Variants in OPN5 observed in about 807,000 individuals in gnomAD.
The protein encoded by OPN5 is opsin-5.
OPN5 carries 18 observed loss-of-function variants against 41.7 expected under a neutral mutation model. The ratio of observed to expected loss-of-function variants is 0.43; its 90% CI spans 0.30 to 0.64. The LOEUF (loss-of-function observed/expected upper bound fraction) is 0.64. OPN5 is among the 30% of genes least tolerant of loss of function. OPN5 has a pLI of 0.13. For missense variants in OPN5, 318 were observed against 434.5 expected (o/e 0.73, Z 2.38); for synonymous variants, 178 against 164.3 (o/e 1.08, Z -0.64).
intron 6 of OPN5, among the ~76,000 whole-genome samples, chr6:47,815,038 G>A (rs1399976220): frequency 6.6e-6 from 1 of 152,058 alleles, no homozygotes; most frequent in African/African-American, 2.4e-5. Context: ...AAATAAATGA[G>A]TAAATAAGTT....
intron 5 of OPN5, among the ~76,000 whole-genome samples, chr6:47,810,298 T>C (rs1220723736): frequency 6.6e-6 from 1 of 152,130 alleles, no homozygotes; most frequent in Non-Finnish European, 1.5e-5. Context: ...TGAAGAGATA[T>C]TGAGTCGTAG....
chr6:47,796,272 T>G (rs970176122), intron 4 of OPN5, among the ~76,000 whole-genome samples: 1 of 152,204 alleles, frequency 6.6e-6, no homozygotes, highest in Non-Finnish European at 1.5e-5. Context: ...TCTGTCTTAT[T>G]GGGTTACGGT....
At chr6:47,810,743 T>C (rs1192217306) in intron 5 of OPN5, among the ~76,000 whole-genome samples, 2 of 152,176 alleles carry the variant, frequency 1.3e-5, no homozygotes, top group African/African-American at 4.8e-5. Context: ...TTGGTAGAAG[T>C]TGGTGAACCA....
chr6:47,795,660 A>C (rs1773533281), intron 4 of OPN5, 97 bp downstream of exon 4: 2 of 801,500 alleles, frequency 2.5e-6, no homozygotes, highest in Non-Finnish European at 4.1e-6. Context: ...AGAACTTAGA[A>C]TCTCTATTCT....
At chr6:47,816,709 A>G (rs957788677) in intron 6 of OPN5, among the ~76,000 whole-genome samples, 2 of 152,082 alleles carry the variant, frequency 1.3e-5, no homozygotes, top group African/African-American at 4.8e-5. Flanking sequence ...CTGTGAAGGC[A>G]AATTACTTGA....
intron 6 of OPN5, among the ~76,000 whole-genome samples, chr6:47,816,217 T>C (rs999036727): frequency 2.0e-5 from 3 of 152,146 alleles, no homozygotes; most frequent in Non-Finnish European, 4.4e-5. Flanking sequence ...GGAGGATGTG[T>C]TTTTAGTTCC....
exon 5 of OPN5, chr6:47,808,344 G>A (rs774718838): frequency 6.2e-7 from 1 of 1,614,028 alleles, no homozygotes; most frequent in Non-Finnish European, 8.5e-7. Flanking sequence ...TTTGCCTGTT[G>A]CCAAACTGGT....
chr6:47,811,915 G>C (rs920693543), intron 6 of OPN5, 184 bp downstream of exon 6: 3 of 430,912 alleles, frequency 7.0e-6, no homozygotes, highest in African/African-American at 6.0e-5. Context: ...TAGATTACAG[G>C]ATACTAATTT....
chr6:47,795,619 G>T, intron 4 of OPN5, 56 bp downstream of exon 4: 1 of 1,240,958 alleles, frequency 8.1e-7, no homozygotes, highest in Non-Finnish European at 1.2e-6. Context: ...ACTTCATAGG[G>T]TACAAAGGAT....
In OPN5 at chr6:47,811,741, T is replaced by G. The variant is rs2113993761; in HGVS notation, c.1056+10T>G. The G allele has an allele frequency of 6.3e-7, 1 of 1,590,634 alleles. No individual in the cohort carries two copies. The highest frequency in any genetic ancestry group is 2.2e-5 in the East Asian group (1 of 44,716). ...GGAAATTCATGAAGAGGTATGAAGA[T>G]GGATACAGCATCACTATGGACACTC... On this transcript the variant is annotated intron_variant, in intron 6 of 6. Coordinates refer to ENST00000371211, the Ensembl canonical transcript of OPN5.
chr6:47,789,336 T>C lies in OPN5; in HGVS notation c.251-2466T>C, dbSNP rs185187757. On this transcript the variant is annotated intron_variant, in intron 2 of 6. Coordinates refer to ENST00000371211, the Ensembl canonical transcript of OPN5. ...TTCCATCTACCTGCTTTCTCTGCTT[T>C]ATTTTCCTTCATTGTACTAATCACT... 1.3e-3 allele frequency among the ~76,000 whole-genome samples: 193 copies of C among 152,312 alleles called. 1 individual carries two copies. Among genetic ancestry groups the C allele is most frequent in the Admixed American group, 3.1e-3 (47 of 15,296 alleles).
At chr6:47,812,273 C>G (rs182009513) in intron 6 of OPN5, among the ~76,000 whole-genome samples, 1 of 152,238 alleles carries the variant, frequency 6.6e-6, no homozygotes, top group Non-Finnish European at 1.5e-5. Flanking sequence ...TGCCTTAAAT[C>G]ACTCAATGGA....
intron 6 of OPN5, 82 bp downstream of exon 6, chr6:47,811,813 C>A (rs1353051962): frequency 2.5e-5 from 22 of 870,108 alleles, no homozygotes; most frequent in Non-Finnish European, 2.8e-5. Flanking sequence ...TTGATTGTGG[C>A]CACACTTTTG....
chr6:47,802,166 C>T (rs1374351563), intron 4 of OPN5, among the ~76,000 whole-genome samples: 1 of 152,182 alleles, frequency 6.6e-6, no homozygotes, highest in East Asian at 1.9e-4. Flanking sequence ...CAGCTATGGA[C>T]TTGGGCACCA....
At position 47,786,804 on chromosome 6, in the gene OPN5, C is replaced by T. The variant is rs143587191; in HGVS notation, c.250+170C>T. On this transcript the variant is annotated intron_variant, in intron 2 of 6. Transcript: ENST00000371211. ...TGTGGTAAGTCAATGGGGTGCTGTC[C>T]GGCTGACAAGATTATTCATTTAATA... Among the ~76,000 whole-genome samples, 624 of 152,260 alleles carry T rather than the reference C, an allele frequency of 4.1e-3. 5 individuals are homozygous for T. Among genetic ancestry groups the T allele is most frequent in the Non-Finnish European group, 2.9e-3 (195 of 68,024 alleles).
intron 1 of OPN5, among the ~76,000 whole-genome samples, chr6:47,783,047 A>T (rs1423793592): frequency 1.3e-5 from 2 of 151,940 alleles, no homozygotes; most frequent in Non-Finnish European, 2.9e-5. Flanking sequence ...GTAAATTTTA[A>T]ATTTATAAAT....
exon 4 of OPN5, chr6:47,795,419 C>G: frequency 6.2e-7 from 1 of 1,614,166 alleles, no homozygotes; most frequent in Non-Finnish European, 8.5e-7. Flanking sequence ...TGAACATCCT[C>G]TTCTTCTGCC....
chr6:47,818,612 A>C (rs1040653685), intron 6 of OPN5, among the ~76,000 whole-genome samples: 1 of 152,180 alleles, frequency 6.6e-6, no homozygotes, highest in African/African-American at 2.4e-5. Context: ...TTAGCTCAGG[A>C]TGGTGATGAA....
intron 6 of OPN5, among the ~76,000 whole-genome samples, chr6:47,819,615 C>T: frequency 1.3e-5 from 2 of 151,616 alleles, no homozygotes; most frequent in East Asian, 3.9e-4. Context: ...TGGCGTGTTT[C>T]CCATTATAGT....
Sources: allele counts gnomAD v4.1 joint callset (sites outside exome capture counted in the v4.1 genomes callset), GRCh38; gene constraint gnomAD v4.1.1; transcripts MANE v1.5; gene names NCBI Gene and HGNC (gene_info 2026-07-23, HGNC 2026-07-21).